The following DLG2 variants were observed in gnomAD, a reference collection of about 807,000 sequenced individuals.
The protein encoded by DLG2 is disks large homolog 2.
A neutral mutation model predicts 132.5 loss-of-function variants in DLG2; 45 were observed. The observed-to-expected ratio is 0.34, with a 90% CI of 0.27 to 0.44. DLG2 has a LOEUF of 0.44. Among genes scored for constraint, DLG2 ranks in the 20% least tolerant of loss-of-function variants. The pLI is 1.00. For missense variants in DLG2, 1,045 were observed against 1,196.9 expected, an observed-to-expected ratio of 0.87 and a Z score of 1.87; for synonymous variants, 424 against 419.6, an observed-to-expected ratio of 1.01 and a Z score of -0.13.
chr11:83,457,725 C>T lies in DLG2; in HGVS notation c.*2093G>A, dbSNP rs1180638294. On this transcript the variant is annotated 3_prime_UTR_variant, in exon 28 of 28. Transcript: ENST00000376104. ...GGAATGGCATTCTGGTGTCAGAAAA[C>T]TTCTGGGAGCAATATTGATGAAAGT... 3.3e-5 allele frequency: 5 copies of T among 152,560 alleles called. No individual in the cohort carries two copies. The highest frequency in any genetic ancestry group is 6.5e-5 in the Admixed American group (1 of 15,304). The allele number at this position is 152,560 out of a possible 1,614,324, so 9.5% of individuals were successfully genotyped here.
At chr11:84,309,177 A>G (rs978114482) in intron 7 of DLG2, among the ~76,000 whole-genome samples, 13 of 152,196 alleles carry the variant, frequency 8.5e-5, no homozygotes, top group Admixed American at 6.5e-5. Flanking sequence ...AAACCTGCAC[A>G]TGCACCCCCC....
intron 21 of DLG2, among the ~76,000 whole-genome samples, chr11:83,493,373 TTC>T (rs1385332546): frequency 8.7e-5 from 13 of 148,884 alleles, no homozygotes; most frequent in Non-Finnish European, 1.8e-4. Context: ...CCTTCCTTCC[TTC>T]CTTCCTTCCT....
At chr11:84,424,795 T>C (rs1054330942) in intron 7 of DLG2, among the ~76,000 whole-genome samples, 3 of 152,124 alleles carry the variant, frequency 2.0e-5, no homozygotes, top group Non-Finnish European at 2.9e-5. Context: ...AGCACGTGTG[T>C]TTTATTCTAA....
chr11:84,931,964 G>C (rs1236387803), intron 6 of DLG2, among the ~76,000 whole-genome samples: 2 of 152,050 alleles, frequency 1.3e-5, no homozygotes, highest in Non-Finnish European at 2.9e-5. Context: ...TAATGGGGCT[G>C]TTTGCTTTTT....
chr11:85,450,748 T>C (rs946947469), intron 3 of DLG2, among the ~76,000 whole-genome samples: 1 of 152,204 alleles, frequency 6.6e-6, no homozygotes, highest in African/African-American at 2.4e-5. Flanking sequence ...TAATTTTCTA[T>C]GAATCTCAAT....
intron 6 of DLG2, among the ~76,000 whole-genome samples, chr11:84,734,433 CTGTT>C (rs1396118756): frequency 2.0e-5 from 3 of 152,126 alleles, no homozygotes; most frequent in African/African-American, 7.2e-5. Flanking sequence ...ATTTGGCTCT[CTGTT>C]TGTCTGTTAT....
chr11:84,834,382 A>G (rs189449938), intron 6 of DLG2, among the ~76,000 whole-genome samples: 123 of 151,696 alleles, frequency 8.1e-4, no homozygotes, highest in African/African-American at 2.8e-3. Flanking sequence ...TTCACAGACA[A>G]CTTTAAAGGT....
At chr11:85,132,704 T>C (rs1005343803) in intron 5 of DLG2, 2 of 456,490 alleles carry the variant, frequency 4.4e-6, no homozygotes, top group African/African-American at 4.0e-5. Context: ...AACTGTTTAA[T>C]TACGGGACCA....
chr11:84,686,663 C>G (rs552917671), intron 6 of DLG2: 8 of 143,724 alleles, frequency 5.6e-5, no homozygotes, highest in Admixed American at 3.5e-4. Flanking sequence ...ATGCTATACA[C>G]CATGTAACAT....
intron 3 of DLG2, among the ~76,000 whole-genome samples, chr11:85,324,241 T>G (rs1034537150): frequency 6.6e-6 from 1 of 152,162 alleles, no homozygotes; most frequent in Non-Finnish European, 1.5e-5. Flanking sequence ...TAGCTTCTAC[T>G]TGTATTTTTT....
intron 8 of DLG2, among the ~76,000 whole-genome samples, chr11:84,204,539 A>T (rs2096640595): frequency 6.6e-6 from 1 of 152,116 alleles, no homozygotes; most frequent in African/African-American, 2.4e-5. Flanking sequence ...TCAAAGAAAC[A>T]AAAAAACAGA....
At chr11:85,319,674 A>C (rs2080919029) in intron 3 of DLG2, among the ~76,000 whole-genome samples, 1 of 151,816 alleles carries the variant, frequency 6.6e-6, no homozygotes, top group African/African-American at 2.4e-5. Flanking sequence ...TTTAAAGAAG[A>C]AGCAACCAGC....
chr11:85,449,734 G>T (rs2092158364), intron 3 of DLG2, among the ~76,000 whole-genome samples: 1 of 150,858 alleles, frequency 6.6e-6, no homozygotes, highest in Non-Finnish European at 1.5e-5. Flanking sequence ...AGTGAAAGAT[G>T]ATATGCATTT....
intron 15 of DLG2, among the ~76,000 whole-genome samples, chr11:83,912,556 C>A (rs1377705319): frequency 1.3e-5 from 2 of 152,042 alleles, no homozygotes; most frequent in African/African-American, 2.4e-5. Context: ...ATCCTGAAGA[C>A]AAATCCACGT....
At chr11:85,620,632 G>A (rs1331090273) in intron 2 of DLG2, among the ~76,000 whole-genome samples, 1 of 152,196 alleles carries the variant, frequency 6.6e-6, no homozygotes, top group African/African-American at 2.4e-5. Context: ...AAGTTTTAGT[G>A]ATCTGAACAG....
intron 11 of DLG2, among the ~76,000 whole-genome samples, chr11:84,014,313 G>T (rs893838707): frequency 4.6e-5 from 7 of 152,120 alleles, no homozygotes; most frequent in Admixed American, 3.9e-4. Flanking sequence ...ATTATGAAAG[G>T]TTGAGGAGAA....
chr11:84,205,940 A>C (rs898602493), intron 8 of DLG2, among the ~76,000 whole-genome samples: 2 of 152,126 alleles, frequency 1.3e-5, no homozygotes, highest in African/African-American at 2.4e-5. Context: ...ACACCTAATA[A>C]AACTGATTTT....
intron 6 of DLG2, among the ~76,000 whole-genome samples, chr11:84,666,371 C>T (rs970820954): frequency 6.6e-6 from 1 of 152,164 alleles, no homozygotes; most frequent in African/African-American, 2.4e-5. Flanking sequence ...GGTCTTTGGA[C>T]TGGAACTGAG....
chr11:83,649,428 C>T (rs188900367), intron 18 of DLG2, among the ~76,000 whole-genome samples: 46 of 152,186 alleles, frequency 3.0e-4, no homozygotes, highest in African/African-American at 1.0e-3. Context: ...AGTGCCATCA[C>T]TAATGACTCA....
Sources: gnomAD v4.1 joint callset for allele counts (sites outside exome capture counted in the v4.1 genomes callset) on GRCh38, gnomAD v4.1.1 for gene constraint, MANE v1.5 for transcripts, NCBI Gene and HGNC (gene_info 2026-07-23, HGNC 2026-07-21) for gene names.